NALF1: variants seen among roughly 807,000 people sequenced by gnomAD.
NALF1 encodes NALCN channel auxiliary factor 1.
Under a neutral mutation model 48.4 loss-of-function variants are expected in NALF1, and 3 were observed. The observed-to-expected ratio is 0.06, with a 90% CI of 0.03 to 0.16. NALF1 has a LOEUF of 0.16. NALF1 is among the 10% of genes least tolerant of loss of function. The probability of loss-of-function intolerance (pLI) is 1.00; values close to 1 mark genes in which losing one functional copy is unlikely to be tolerated. For synonymous variants in NALF1, 262 were observed against 245.7 expected, an observed-to-expected ratio of 1.07 and a Z score of -0.62; for missense variants, 526 against 571.5, an observed-to-expected ratio of 0.92 and a Z score of 0.81.
At chr13:107,764,248 T>C (rs891641767) in intron 1 of NALF1, among the ~76,000 whole-genome samples, 1 of 152,162 alleles carries the variant, frequency 6.6e-6, no homozygotes, top group Non-Finnish European at 1.5e-5. Flanking sequence ...TGATGTTGCA[T>C]AATGTTTTAA....
chr13:107,367,333 G>A (rs983248227), intron 1 of NALF1, among the ~76,000 whole-genome samples: 4 of 152,054 alleles, frequency 2.6e-5, no homozygotes, highest in Non-Finnish European at 4.4e-5. Flanking sequence ...CACCACCAGC[G>A]GGCAATTACT....
At chr13:107,760,323 A>C (rs1877229561) in intron 1 of NALF1, among the ~76,000 whole-genome samples, 1 of 152,130 alleles carries the variant, frequency 6.6e-6, no homozygotes, top group Admixed American at 6.5e-5. Context: ...AAAAATCAAC[A>C]TGATGCTTAT....
intron 1 of NALF1, among the ~76,000 whole-genome samples, chr13:107,575,658 C>A (rs1054074645): frequency 6.6e-6 from 1 of 152,268 alleles, no homozygotes; most frequent in African/African-American, 2.4e-5. Flanking sequence ...GGGATCCTTT[C>A]TCTCCCATTT....
At chr13:107,509,629 C>G (rs1271540388) in intron 1 of NALF1, among the ~76,000 whole-genome samples, 1 of 152,034 alleles carries the variant, frequency 6.6e-6, no homozygotes, top group Non-Finnish European at 1.5e-5. Context: ...AGATTCAGCT[C>G]CTCACTTTAG....
chr13:107,286,512 C>T (rs764068352), intron 1 of NALF1, among the ~76,000 whole-genome samples: 4 of 149,540 alleles, frequency 2.7e-5, no homozygotes, highest in Non-Finnish European at 5.9e-5. Context: ...TGGCACGCAC[C>T]TGCGTTCCCA....
chr13:107,514,557 A>G (rs1876000416), intron 1 of NALF1, among the ~76,000 whole-genome samples: 1 of 152,228 alleles, frequency 6.6e-6, no homozygotes, highest in Non-Finnish European at 1.5e-5. Context: ...AAAACTGAGT[A>G]CAAAATACAT....
intron 2 of NALF1, among the ~76,000 whole-genome samples, chr13:107,174,539 T>G (rs567186608): frequency 1.3e-5 from 2 of 151,924 alleles, no homozygotes; most frequent in African/African-American, 4.8e-5. Context: ...GTATTTTTAG[T>G]AGAGACAGGG....
intron 1 of NALF1, among the ~76,000 whole-genome samples, chr13:107,518,407 T>C (rs1876130440): frequency 6.6e-6 from 1 of 152,234 alleles, no homozygotes; most frequent in South Asian, 2.1e-4. Flanking sequence ...AGGAGTTTTT[T>C]TGAAATGAGT....
intron 1 of NALF1, among the ~76,000 whole-genome samples, chr13:107,253,483 C>T (rs936546453): frequency 4.6e-5 from 7 of 152,236 alleles, no homozygotes; most frequent in Admixed American, 3.3e-4. Flanking sequence ...CTAGTGAGTG[C>T]CTATGTGCCA....
rs557235814 is a variant in NALF1 at position 107,742,759 on chromosome 13, T to C, written c.915+122923A>G. ...TTTCTCACTAGAGTGTGGTAAGCTC[T>C]ATGTGAGCAGATGCCAAGTCCATTT... On this transcript the variant is annotated intron_variant, in intron 1 of 2. Coordinates refer to ENST00000375915, the MANE Select transcript of NALF1 (RefSeq NM_001080396.3). 1.7e-4 allele frequency among the ~76,000 whole-genome samples: 26 copies of C among 152,340 alleles called. 1 individual carries two copies. The South Asian group carries it at 4.6e-3, about 27-fold the overall frequency.
At chr13:107,636,471 T>C (rs1164127833) in intron 1 of NALF1, among the ~76,000 whole-genome samples, 3 of 152,164 alleles carry the variant, frequency 2.0e-5, no homozygotes, top group African/African-American at 7.2e-5. Flanking sequence ...TCAAGAAGAC[T>C]AACATTTAAC....
chr13:107,855,281 CGGCCCGTG>C (rs1426321747), intron 1 of NALF1, among the ~76,000 whole-genome samples: 1 of 152,210 alleles, frequency 6.6e-6, no homozygotes, highest in Non-Finnish European at 1.5e-5. Flanking sequence ...GTCCAACCCC[CGGCCCGTG>C]GGCTGCTGGC....
chr13:107,620,543 T>C (rs1308044590), intron 1 of NALF1, among the ~76,000 whole-genome samples: 1 of 152,188 alleles, frequency 6.6e-6, no homozygotes, highest in Non-Finnish European at 1.5e-5. Flanking sequence ...TTCCCTGGTA[T>C]TGGCAGGAGG....
intron 1 of NALF1, among the ~76,000 whole-genome samples, chr13:107,863,966 A>G (rs1366497659): frequency 2.6e-5 from 4 of 152,222 alleles, no homozygotes; most frequent in African/African-American, 9.6e-5. Flanking sequence ...GGAGGCAAAT[A>G]TAATTATTAC....
rs1448875360 is a variant in NALF1 at position 107,210,655 on chromosome 13, G to T, written c.1016C>A (p.Thr339Lys). The T allele has an allele frequency of 6.2e-7, 1 of 1,612,400 alleles. No homozygotes were observed. The highest frequency in any genetic ancestry group is 1.7e-5 in the Admixed American group (1 of 60,020). ...PCKQYCLEVQ[T>K]RCPFILPDND... is the part of the protein sequence containing the mutation. The stretch of plus-strand genomic sequence containing the variant: ...GTCGGGCAATATAAATGGACACCTC[G>T]TCTGAACCTCCAAACAGTATTGCTT... Residue 339 changes from threonine to lysine, a missense_variant, in exon 2 of 3, where the codon ACG (threonine) becomes AAG (lysine). Transcript: ENST00000375915.
At chr13:107,591,748 A>G (rs1878607409) in intron 1 of NALF1, among the ~76,000 whole-genome samples, 1 of 152,060 alleles carries the variant, frequency 6.6e-6, no homozygotes, top group Non-Finnish European at 1.5e-5. Flanking sequence ...TGCTTTTCAA[A>G]CGCGAAGATA....
In NALF1 at chr13:107,210,616, A is replaced by G; in HGVS notation, c.1055T>C (p.Ile352Thr). Residue 352 changes from isoleucine to threonine, a missense_variant, in exon 2 of 3, where the codon ATC becomes ACC. Physicochemically the swap from Ile to Thr is moderately conservative, Grantham distance 89. Transcript: ENST00000375915. ...GATGAAACTGGAGAGGCCTCCGTAG[A>G]TGACTTCATCATTGTCGGGCAATAT... ...PFILPDNDEV[I>T]YGGLSSFICT... 6.2e-7 allele frequency: 1 copy of G among 1,613,736 alleles called. No individual in the cohort carries two copies. The highest frequency in any genetic ancestry group is 1.1e-5 in the South Asian group (1 of 91,064).
intron 1 of NALF1, among the ~76,000 whole-genome samples, chr13:107,661,842 C>A (rs1317260460): frequency 6.6e-6 from 1 of 152,036 alleles, no homozygotes; most frequent in East Asian, 1.9e-4. Flanking sequence ...TTAACACCTG[C>A]TATAGCTCTA....
chr13:107,327,561 A>G (rs945814625), intron 1 of NALF1, among the ~76,000 whole-genome samples: 1 of 152,166 alleles, frequency 6.6e-6, no homozygotes, highest in African/African-American at 2.4e-5. Context: ...TGAGTGTCCT[A>G]GATATGGTAA....
Sources: gnomAD v4.1 joint callset for allele counts (sites outside exome capture counted in the v4.1 genomes callset) on GRCh38, gnomAD v4.1.1 for gene constraint, MANE v1.5 for transcripts, NCBI Gene and HGNC (gene_info 2026-07-23, HGNC 2026-07-21) for gene names.